Variants in PCDH9 observed in about 807,000 individuals in gnomAD.
PCDH9 encodes the protein protocadherin 9, also known as protocadherin-9.
Under a neutral mutation model 70.6 loss-of-function variants are expected in PCDH9, and 24 were observed. The ratio of observed to expected loss-of-function variants is 0.34; its 90% CI spans 0.25 to 0.48. PCDH9 has a LOEUF of 0.48. Ranked by LOEUF, PCDH9 falls within the 20% of genes least tolerant of loss-of-function variation. The probability of loss-of-function intolerance (pLI) is 0.99; values close to 1 mark genes in which losing one functional copy is unlikely to be tolerated. For synonymous variants in PCDH9, 562 were observed against 558.5 expected (o/e 1.01, Z -0.09); for missense variants, 1,281 against 1,503.6 (o/e 0.85, Z 2.45).
intron 4 of PCDH9, among the ~76,000 whole-genome samples, chr13:66,468,421 A>G (rs2138473921): frequency 6.6e-6 from 1 of 152,222 alleles, no homozygotes; most frequent in Non-Finnish European, 1.5e-5. Context: ...TTTAAAAGAA[A>G]AGGTAGATAA....
intron 2 of PCDH9, among the ~76,000 whole-genome samples, chr13:67,161,122 G>A (rs1043311328): frequency 6.6e-6 from 1 of 152,160 alleles, no homozygotes; most frequent in Admixed American, 6.5e-5. Flanking sequence ...CCAGGTGTCT[G>A]GAGGAAACCA....
chr13:67,165,469 TC>T (rs1305166653), intron 2 of PCDH9, among the ~76,000 whole-genome samples: 1 of 152,132 alleles, frequency 6.6e-6, no homozygotes, highest in Non-Finnish European at 1.5e-5. Context: ...ATTAAAATAT[TC>T]CAATACTTAC....
intron 3 of PCDH9, among the ~76,000 whole-genome samples, chr13:66,768,713 C>T (rs192788204): frequency 7.9e-5 from 12 of 152,112 alleles, no homozygotes; most frequent in African/African-American, 2.6e-4. Flanking sequence ...ATGAAAGAAA[C>T]CCCATGCTGA....
intron 4 of PCDH9, among the ~76,000 whole-genome samples, chr13:66,386,275 A>C (rs1956927727): frequency 6.6e-6 from 1 of 152,014 alleles, no homozygotes; most frequent in Non-Finnish European, 1.5e-5. Context: ...TGTGAAATGA[A>C]TTCCCCTCTC....
chr13:67,008,194 A>T (rs2139835452), intron 2 of PCDH9, among the ~76,000 whole-genome samples: 2 of 152,298 alleles, frequency 1.3e-5, no homozygotes, highest in Middle Eastern at 3.4e-3. Flanking sequence ...TATTGTTTAC[A>T]TTCTTTTTAG....
chr13:66,555,275 C>G (rs1006447111), intron 4 of PCDH9, among the ~76,000 whole-genome samples: 4 of 152,022 alleles, frequency 2.6e-5, no homozygotes, highest in Non-Finnish European at 4.4e-5. Flanking sequence ...ACCAATAGTA[C>G]TTTCTTTCAA....
intron 2 of PCDH9, among the ~76,000 whole-genome samples, chr13:67,027,665 C>T (rs2084814233): frequency 6.7e-6 from 1 of 150,218 alleles, no homozygotes; most frequent in Non-Finnish European, 1.5e-5. Context: ...TCACAACCTA[C>T]TCATCTGACA....
chr13:66,576,281 T>A (rs567930840), intron 4 of PCDH9, among the ~76,000 whole-genome samples: 1 of 152,212 alleles, frequency 6.6e-6, no homozygotes, highest in Non-Finnish European at 1.5e-5. Flanking sequence ...ATTGTAGCTC[T>A]GTGATCAGGT....
rs1447629371 is a variant in PCDH9 at position 66,899,386 on chromosome 13, TC to T, written c.3138+4117del. On this transcript the variant is annotated intron_variant, in intron 3 of 4. Transcript: ENST00000377865. ...TTAGTTTAAAACCCTTCCACCAATC[TC>T]CCTAACTCTTAGAGCTAAGATTTCC... 1.1e-3 allele frequency among the ~76,000 whole-genome samples: 170 copies of T among 152,060 alleles called. 3 individuals carry two copies. Among genetic ancestry groups the T allele is most frequent in the South Asian group, 2.1e-4 (1 of 4,828 alleles).
intron 4 of PCDH9, among the ~76,000 whole-genome samples, chr13:66,426,911 A>C (rs1319195674): frequency 6.6e-6 from 1 of 151,534 alleles, no homozygotes; most frequent in African/African-American, 2.4e-5. Context: ...ATTTTATATT[A>C]AGTATAATTA....
At chr13:66,684,523 A>T (rs1007615202) in intron 3 of PCDH9, among the ~76,000 whole-genome samples, 2 of 152,128 alleles carry the variant, frequency 1.3e-5, no homozygotes, top group Non-Finnish European at 2.9e-5. Context: ...GAGTTCCCAC[A>T]AGAAAACAAT....
chr13:66,720,966 T>C (rs2078934788), intron 3 of PCDH9, among the ~76,000 whole-genome samples: 1 of 152,212 alleles, frequency 6.6e-6, no homozygotes, highest in South Asian at 2.1e-4. Flanking sequence ...ATTACGTCTG[T>C]GCACCTACAC....
chr13:67,181,951 C>T (rs1236100518), intron 2 of PCDH9, among the ~76,000 whole-genome samples: 2 of 152,096 alleles, frequency 1.3e-5, no homozygotes, highest in African/African-American at 4.8e-5. Flanking sequence ...CACTACAGTC[C>T]CCAGTCTGGC....
chr13:67,152,845 A>C (rs766591075), intron 2 of PCDH9, among the ~76,000 whole-genome samples: 12 of 152,226 alleles, frequency 7.9e-5, no homozygotes, highest in Non-Finnish European at 1.5e-5. Flanking sequence ...TTATGTTTTT[A>C]ATACCTAGGA....
intron 3 of PCDH9, among the ~76,000 whole-genome samples, chr13:66,753,196 G>A (rs1210870138): frequency 6.6e-6 from 1 of 152,002 alleles, no homozygotes; most frequent in African/African-American, 2.4e-5. Context: ...GTAAGTTTTT[G>A]CCTTAAACAT....
intron 3 of PCDH9, among the ~76,000 whole-genome samples, chr13:66,884,801 C>G (rs920205491): frequency 6.6e-6 from 1 of 152,086 alleles, no homozygotes; most frequent in Non-Finnish European, 1.5e-5. Flanking sequence ...CAAAACATTA[C>G]TGCATGAAAG....
chr13:67,040,066 C>T (rs1057452493), intron 2 of PCDH9, among the ~76,000 whole-genome samples: 3 of 152,070 alleles, frequency 2.0e-5, no homozygotes, highest in Non-Finnish European at 2.9e-5. Context: ...AGCACTTACA[C>T]AATAGCAATC....
At chr13:67,123,542 A>G (rs973870215) in intron 2 of PCDH9, among the ~76,000 whole-genome samples, 2 of 152,192 alleles carry the variant, frequency 1.3e-5, no homozygotes, top group African/African-American at 2.4e-5. Flanking sequence ...ACTCAGATAT[A>G]TGTCTTACTA....
At chr13:66,671,114 T>C (rs2078169327) in intron 3 of PCDH9, among the ~76,000 whole-genome samples, 1 of 152,054 alleles carries the variant, frequency 6.6e-6, no homozygotes, top group South Asian at 2.1e-4. Context: ...TAAAGGGCAG[T>C]TCCCCTCTAC....
Sources: allele counts gnomAD v4.1 joint callset (sites outside exome capture counted in the v4.1 genomes callset), GRCh38; gene constraint gnomAD v4.1.1; transcripts MANE v1.5; gene names NCBI Gene and HGNC (gene_info 2026-07-23, HGNC 2026-07-21).